The following LIPJ variants were observed in gnomAD, a reference collection of about 807,000 sequenced individuals.
LIPJ encodes the protein lipase member J.
In LIPJ, 33 loss-of-function variants were observed where a neutral mutation model predicts 39.8. That is an observed-to-expected ratio of 0.83 (90% CI 0.63 to 1.11). The LOEUF is 1.11. LIPJ is among the 50% of genes least tolerant of loss of function. The pLI, the probability that LIPJ is intolerant of heterozygous loss-of-function variation, is 0.00. For missense variants in LIPJ, 422 were observed against 427.9 expected (o/e 0.99, Z 0.12); for synonymous variants, 128 against 139.2 (o/e 0.92, Z 0.57).
At chr10:88,607,903 G>T (rs551879824), downstream of LIPJ, among the ~76,000 whole-genome samples, 128 of 152,274 alleles carry the variant, frequency 8.4e-4, 1 homozygote, top group African/African-American at 3.0e-3. Flanking sequence ...AATTCCTCTT[G>T]TCAATCTTTT....
At chr10:88,602,501 A>C in intron 8 of LIPJ, 75 bp from the exon 9 acceptor site, 1 of 955,316 alleles carries the variant, frequency 1.0e-6, no homozygotes. Context: ...ATTTAGTTCA[A>C]TAAATATTAA....
At chr10:88,617,430 G>A in the LIPJ span, among the ~76,000 whole-genome samples, 1 of 152,078 alleles carries the variant, frequency 6.6e-6, no homozygotes, top group African/African-American at 2.4e-5. Context: ...TAAATACCAG[G>A]AATACGTCTC....
chr10:88,594,596 C>G, intron 5 of LIPJ, 71 bp from the exon 6 acceptor site: 1 of 713,436 alleles, frequency 1.4e-6, no homozygotes. Context: ...TCAGTTATCT[C>G]TTCATTATTT....
intron 4 of LIPJ, chr10:88,592,078 G>C (rs1223237940): frequency 6.6e-6 from 1 of 151,798 alleles, no homozygotes; most frequent in African/African-American, 2.4e-5. Context: ...TAAAAGCCAA[G>C]TATTTTCTCC....
intron 10 of LIPJ, among the ~76,000 whole-genome samples, chr10:88,606,409 TG>T (rs1851666089): frequency 6.6e-6 from 1 of 152,206 alleles, no homozygotes; most frequent in South Asian, 2.1e-4. Flanking sequence ...TAAACAGTAC[TG>T]AAATTACCTC....
chr10:88,583,425 T>G, upstream of LIPJ: 2 of 1,352,082 alleles, frequency 1.5e-6, no homozygotes, highest in Non-Finnish European at 1.9e-6. Context: ...ACCGGGGCTG[T>G]CTGTCTTCTC....
exon 11 of LIPJ, chr10:88,606,917 G>T: frequency 6.8e-7 from 1 of 1,476,640 alleles, no homozygotes; most frequent in Non-Finnish European, 9.0e-7. Flanking sequence ...AAGAACCATG[G>T]CGCTGTGTGT....
intron 8 of LIPJ, among the ~76,000 whole-genome samples, chr10:88,602,070 A>G (rs1851503044): frequency 6.6e-6 from 1 of 152,104 alleles, no homozygotes; most frequent in Admixed American, 6.6e-5. Flanking sequence ...TCTTTTTAAA[A>G]TCTTTCAACT....
At chr10:88,598,773 C>A (rs895462461) in intron 8 of LIPJ, among the ~76,000 whole-genome samples, 1 of 151,378 alleles carries the variant, frequency 6.6e-6, no homozygotes. Context: ...CAGTAGTGAC[C>A]CATGATGGAA....
chr10:88,610,670 G>A (rs1001434890), downstream of LIPJ, among the ~76,000 whole-genome samples: 7 of 152,152 alleles, frequency 4.6e-5, no homozygotes, highest in Non-Finnish European at 5.9e-5. Context: ...AGACAGTGCG[G>A]TATTAGCATA....
chr10:88,583,080 C>T (rs2296545), upstream of LIPJ: 4 of 1,611,042 alleles, frequency 2.5e-6, no homozygotes, highest in Non-Finnish European at 3.4e-6. Context: ...CACCTGAGTC[C>T]TCAGCCTTGT....
downstream of LIPJ, among the ~76,000 whole-genome samples, chr10:88,608,327 T>C (rs1343695527): frequency 1.3e-5 from 2 of 152,202 alleles, no homozygotes; most frequent in Non-Finnish European, 2.9e-5. Flanking sequence ...AGGATGTTGT[T>C]AACGAGGGAG....
At chr10:88,596,163 T>A in intron 6 of LIPJ, 117 bp from the exon 7 acceptor site, 1 of 639,618 alleles carries the variant, frequency 1.6e-6, no homozygotes, top group East Asian at 3.5e-5. Flanking sequence ...AATTAAGAAA[T>A]AAGTTAATTG....
downstream of LIPJ, among the ~76,000 whole-genome samples, chr10:88,611,709 C>T (rs1007338009): frequency 6.6e-6 from 1 of 152,018 alleles, no homozygotes; most frequent in South Asian, 2.1e-4. Flanking sequence ...CCCATCCATA[C>T]AAGACAAAGA....
chr10:88,597,787 C>T (rs1309751722), intron 8 of LIPJ, among the ~76,000 whole-genome samples: 1 of 151,634 alleles, frequency 6.6e-6, no homozygotes, highest in East Asian at 1.9e-4. Context: ...CTTTCATATT[C>T]CCTCTTTTTC....
exon 5 of LIPJ, chr10:88,593,952 G>A: frequency 6.2e-7 from 1 of 1,610,814 alleles, no homozygotes; most frequent in Non-Finnish European, 8.5e-7. Flanking sequence ...TCAGCTCAGA[G>A]GGTTGTTGTA....
At chr10:88,588,585 C>T (rs1159799878) in intron 2 of LIPJ, among the ~76,000 whole-genome samples, 3 of 151,752 alleles carry the variant, frequency 2.0e-5, no homozygotes, top group South Asian at 2.1e-4. Flanking sequence ...TGAAAAAACA[C>T]GTCATCCTGC....
intron 8 of LIPJ, 115 bp from the exon 9 acceptor site, chr10:88,602,461 A>G (rs183801041): frequency 2.4e-5 from 14 of 586,924 alleles, no homozygotes; most frequent in Non-Finnish European, 2.7e-6. Context: ...TATTAATATG[A>G]TTAATTTTAA....
chr10:88,597,592 G>A (rs938866716), intron 8 of LIPJ, among the ~76,000 whole-genome samples: 27 of 151,998 alleles, frequency 1.8e-4, no homozygotes, highest in South Asian at 8.3e-4. Context: ...TTCTCAAAGA[G>A]AGCCAATATA....
Sources: gnomAD v4.1 joint callset for allele counts (sites outside exome capture counted in the v4.1 genomes callset) on GRCh38, gnomAD v4.1.1 for gene constraint, MANE v1.5 for transcripts, NCBI Gene and HGNC (gene_info 2026-07-23, HGNC 2026-07-21) for gene names.